The following VWF variants were observed in gnomAD, a reference collection of about 807,000 sequenced individuals.
VWF encodes the protein Factor VIII related antigen.
A neutral mutation model predicts 308.6 loss-of-function variants in VWF; 176 were observed. The ratio of observed to expected loss-of-function variants is 0.57; its 90% CI spans 0.50 to 0.65. VWF has a LOEUF of 0.65. VWF is among the 30% of genes least tolerant of loss of function. The probability of loss-of-function intolerance (pLI) is 0.00; values close to 1 mark genes in which losing one functional copy is unlikely to be tolerated. For missense variants in VWF, 3,146 were observed against 3,648.2 expected (o/e 0.86, Z 3.55); for synonymous variants, 1,385 against 1,443.4 (o/e 0.96, Z 0.92).
rs185180499 is a variant in VWF at position 6,034,017 on chromosome 12, C to T, written c.2685+671G>A. On this transcript the variant is annotated intron_variant, in intron 20 of 51. Transcript: ENST00000261405. The stretch of plus-strand genomic sequence containing the variant: ...AGAAAGAGAAACTTACAAGAATCCA[C>T]GCAGTGGGGAGTGGGAGGCAGAGGG... 1.3e-3 allele frequency among the ~76,000 whole-genome samples: 204 copies of T among 152,348 alleles called. 1 individual carries two copies. Among genetic ancestry groups the T allele is most frequent in the African/African-American group, 4.8e-3 (201 of 41,576 alleles).
intron 40 of VWF, 72 bp from the exon 41 acceptor site, chr12:5,983,326 G>T: frequency 6.9e-7 from 1 of 1,438,942 alleles, no homozygotes; most frequent in Non-Finnish European, 9.6e-7. Context: ...TGAGTGGGAT[G>T]CTACATTCCT....
In VWF at chr12:6,046,635, G is replaced by A. The variant is rs543689647; in HGVS notation, c.2281+88C>T. ...GCCTGGGTGCACACGCACATCTGACGGTGTCACCCAGCTCTCTCCCGCCAT... is the reference window on the plus strand; with the variant it reads ...GCCTGGGTGCACACGCACATCTGACAGTGTCACCCAGCTCTCTCCCGCCAT... On this transcript the variant is annotated intron_variant, in intron 17 of 51. Transcript: ENST00000261405. The surrounding 1 kb of genome is among the most constrained non-coding windows in gnomAD (Gnocchi z 5.0). The A allele has an allele frequency of 1.7e-5, 22 of 1,307,020 alleles. No homozygotes were observed. Among genetic ancestry groups the A allele is most frequent in the East Asian group, 2.3e-5 (1 of 43,296 alleles). The allele number at this position is 1,307,020 out of a possible 1,614,324, so 81.0% of individuals were successfully genotyped here.
chr12:6,102,800 A>G (rs577566048), intron 5 of VWF, among the ~76,000 whole-genome samples: 1 of 152,266 alleles, frequency 6.6e-6, no homozygotes, highest in Admixed American at 6.5e-5. Context: ...TGTTAAAATG[A>G]CCATACTGCC....
At chr12:5,982,118 C>T in intron 41 of VWF, 127 bp from the exon 42 acceptor site, 1 of 842,018 alleles carries the variant, frequency 1.2e-6, no homozygotes, top group Non-Finnish European at 1.9e-6. Flanking sequence ...GAGGGCCAAG[C>T]TCACGGGCTG....
Position 6,058,929 on chromosome 12 carries a change from G to A in VWF, c.1534-885C>T, listed in dbSNP as rs568354190. ...ACCCCGATTTGAAGGTGGAGCGGGG[G>A]CTGGGACCCAGGAGTCCTGACTCCC... is the stretch of plus-strand genomic sequence containing the variant. On this transcript the variant is annotated intron_variant, in intron 13 of 51. Transcript: ENST00000261405. The surrounding 1 kb of genome is among the most constrained non-coding windows in gnomAD (Gnocchi z 4.9). Among the ~76,000 whole-genome samples, 3 of 152,278 alleles carry A rather than the reference G, an allele frequency of 2.0e-5. No individual in the cohort carries two copies. The highest frequency in any genetic ancestry group is 4.1e-4 in the South Asian group (2 of 4,820).
chr12:6,047,869 A>G (rs368317400), intron 16 of VWF, among the ~76,000 whole-genome samples: 19 of 152,316 alleles, frequency 1.2e-4, no homozygotes, highest in African/African-American at 4.6e-4. Context: ...TTACCACCAC[A>G]AACAAAGCTG....
chr12:5,987,515 A>G (rs1024132426), intron 38 of VWF, among the ~76,000 whole-genome samples: 1 of 152,200 alleles, frequency 6.6e-6, no homozygotes, highest in African/African-American at 2.4e-5. Flanking sequence ...CAACAGACAC[A>G]GTGCCCATCG....
At chr12:6,032,895 CAT>C (rs1307236293) in intron 20 of VWF, among the ~76,000 whole-genome samples, 7 of 86,802 alleles carry the variant, frequency 8.1e-5, no homozygotes, top group Non-Finnish European at 1.6e-4. Flanking sequence ...CACGCATACA[CAT>C]ACATACACAC....
chr12:5,985,769 G>T, intron 38 of VWF, 104 bp from the exon 39 acceptor site: 1 of 1,081,378 alleles, frequency 9.2e-7, no homozygotes. Context: ...GCCAGTCCCT[G>T]ACCCAGCCCT....
At chr12:6,005,820 A>C (rs1943919249) in intron 34 of VWF, among the ~76,000 whole-genome samples, 1 of 152,204 alleles carries the variant, frequency 6.6e-6, no homozygotes, top group Admixed American at 6.5e-5. Flanking sequence ...ACAAAAGCTG[A>C]AAGAGTTCAT....
rs368731240 is a variant in VWF, at chr12:6,024,746, G to A, written c.3222+834C>T. Among the ~76,000 whole-genome samples, 45 of 152,278 alleles carry A rather than the reference G, an allele frequency of 3.0e-4. No individual in the cohort carries two copies. The South Asian group carries it at 4.3e-3, about 15-fold the overall frequency. ...GATAAGAGACAACTGCACTATGGTC[G>A]GGCATGGTGGCTCACACCTGTAATC... On this transcript the variant is annotated intron_variant, in intron 24 of 51. Transcript: ENST00000261405. This position sits in a 1 kb window ranked among gnomAD's most constrained non-coding sequence, Gnocchi z 4.0.
intron 4 of VWF, 77 bp downstream of exon 4, chr12:6,110,789 G>A: frequency 6.7e-7 from 1 of 1,493,230 alleles, no homozygotes; most frequent in Middle Eastern, 1.7e-4. Flanking sequence ...CTGGGCCCCA[G>A]CTTCCTCATC....
At chr12:6,044,571 C>G in intron 17 of VWF, 120 bp from the exon 18 acceptor site, 2 of 1,304,338 alleles carry the variant, frequency 1.5e-6, no homozygotes, top group Non-Finnish European at 2.1e-6. Context: ...GTTGCCCACT[C>G]ACGGGGACCA....
chr12:6,054,390 C>T (rs1211913854), intron 15 of VWF, among the ~76,000 whole-genome samples: 1 of 152,198 alleles, frequency 6.6e-6, no homozygotes, highest in Non-Finnish European at 1.5e-5. Flanking sequence ...CTTTCAACCA[C>T]CTGAGCCTAC....
At chr12:6,008,460 T>C (rs1265070120) in intron 34 of VWF, among the ~76,000 whole-genome samples, 3 of 152,192 alleles carry the variant, frequency 2.0e-5, no homozygotes, top group Admixed American at 6.5e-5. Context: ...GCATTTGTCA[T>C]AATTCAAACA....
chr12:5,966,702 C>CCT (rs1258721052), intron 47 of VWF, among the ~76,000 whole-genome samples: 1 of 152,052 alleles, frequency 6.6e-6, no homozygotes, highest in Non-Finnish European at 1.5e-5. Context: ...TTCCCTGTAC[C>CCT]CTCTGAGAAA....
rs372032596 is a variant in VWF at position 5,968,120 on chromosome 12, G to A, written c.7770+7C>T. On this transcript the variant is annotated splice_region_variant and intron_variant, in intron 46 of 51. Transcript: ENST00000261405. ...CACTTGCTCTGGAGAAGAGGACAGC[G>A]GCTCACCCCAATGACAGTGCCATTG... The A allele has an allele frequency of 4.8e-5, 78 of 1,613,954 alleles. No homozygotes were observed. The highest frequency in any genetic ancestry group is 1.6e-4 in the Middle Eastern group (1 of 6,084).
chr12:6,055,853 C>A (rs1004341684), intron 15 of VWF, among the ~76,000 whole-genome samples: 7 of 151,242 alleles, frequency 4.6e-5, no homozygotes, highest in Admixed American at 1.3e-4. Context: ...TAACTCACTG[C>A]AGCCTTAAAT....
intron 40 of VWF, 135 bp downstream of exon 40, chr12:5,984,910 T>TTTTTTTTTA: frequency 1.1e-6 from 1 of 880,418 alleles, no homozygotes; most frequent in Admixed American, 2.0e-5. Context: ...TTTTTTGGAG[T>TTTTTTTTTA]ATCCAGTCGG....
Sources: gnomAD v4.1 joint callset for allele counts (sites outside exome capture counted in the v4.1 genomes callset) on GRCh38, gnomAD v4.1.1 for gene constraint, Gnocchi (gnomAD v3.1) non-coding constraint, MANE v1.5 for transcripts, NCBI Gene and HGNC (gene_info 2026-07-23, HGNC 2026-07-21) for gene names.